Variants in ZNF676 observed in about 807,000 individuals in gnomAD.
ZNF676 encodes zinc finger protein 676.
Under a neutral mutation model 6.0 loss-of-function variants are expected in ZNF676, and 4 were observed. That is an observed-to-expected ratio of 0.67 (90% confidence interval 0.33 to 1.53). The LOEUF is 1.53. ZNF676 is among the 40% of genes most tolerant of loss of function. The probability of loss-of-function intolerance (pLI) is 0.06; values close to 1 mark genes in which losing one functional copy is unlikely to be tolerated. For missense variants in ZNF676, 644 were observed against 679.7 expected, an observed-to-expected ratio of 0.95 and a Z score of 0.58; for synonymous variants, 198 against 223.1, an observed-to-expected ratio of 0.89 and a Z score of 1.00.
chr19:22,216,781 A>G (rs373813364), upstream of ZNF676, among the ~76,000 whole-genome samples: 3 of 151,116 alleles, frequency 2.0e-5, no homozygotes, highest in South Asian at 2.1e-4. Context: ...CCACCACCAC[A>G]CCCAGCTAAT....
chr19:22,195,142 T>C (rs1431296419), intron 1 of ZNF676, among the ~76,000 whole-genome samples: 1 of 152,160 alleles, frequency 6.6e-6, no homozygotes, highest in Non-Finnish European at 1.5e-5. Context: ...AATTACACCC[T>C]TTTCCACAAA....
At chr19:22,253,711 T>C in the ZNF676 span, among the ~76,000 whole-genome samples, 22 of 151,960 alleles carry the variant, frequency 1.4e-4, no homozygotes, top group African/African-American at 5.1e-4. Context: ...CATATGACGG[T>C]CACAATCCAA....
chr19:22,228,034 T>C, the ZNF676 span, among the ~76,000 whole-genome samples: 1 of 152,148 alleles, frequency 6.6e-6, no homozygotes, highest in Non-Finnish European at 1.5e-5. Context: ...ATACCAAAGC[T>C]GGCAGAGACA....
chr19:22,192,622 C>A (rs2023921902), intron 2 of ZNF676, among the ~76,000 whole-genome samples: 1 of 151,994 alleles, frequency 6.6e-6, no homozygotes, highest in South Asian at 2.1e-4. Flanking sequence ...CCCAATGATA[C>A]AGAAACCACT....
At chr19:22,189,252 G>A (rs2023874501) in intron 2 of ZNF676, among the ~76,000 whole-genome samples, 1 of 151,994 alleles carries the variant, frequency 6.6e-6, no homozygotes, top group Non-Finnish European at 1.5e-5. Flanking sequence ...ACAAGAAATG[G>A]GGAAAGGATT....
chr19:22,225,250 T>C, the ZNF676 span, among the ~76,000 whole-genome samples: 1 of 152,206 alleles, frequency 6.6e-6, no homozygotes, highest in Non-Finnish European at 1.5e-5. Context: ...TCATGTGACA[T>C]AGTATTTTCA....
At chr19:22,219,574 G>A (rs1387948153), upstream of ZNF676, among the ~76,000 whole-genome samples, 1 of 152,004 alleles carries the variant, frequency 6.6e-6, no homozygotes, top group Non-Finnish European at 1.5e-5. Context: ...GTGAGAGTGG[G>A]CATTATTGTC....
At chr19:22,199,910 C>T (rs868382141), upstream of ZNF676, among the ~76,000 whole-genome samples, 18 of 152,174 alleles carry the variant, frequency 1.2e-4, no homozygotes, top group Middle Eastern at 0.014. Context: ...GCTTTTAAGT[C>T]TCAGAAAATG....
the ZNF676 span, among the ~76,000 whole-genome samples, chr19:22,241,036 G>C: frequency 2.6e-5 from 4 of 151,952 alleles, no homozygotes; most frequent in Non-Finnish European, 1.5e-5. Context: ...ACATAACCTG[G>C]GTGCAGGGCC....
the ZNF676 span, among the ~76,000 whole-genome samples, chr19:22,228,090 A>G: frequency 3.1e-4 from 47 of 152,350 alleles, no homozygotes; most frequent in Admixed American, 6.5e-4. Flanking sequence ...ATGAACATTG[A>G]TGTGAAAATC....
At chr19:22,206,066 CACACACACA>C (rs1162688155) in intron 1 of ZNF676, among the ~76,000 whole-genome samples, 19 of 49,906 alleles carry the variant, frequency 3.8e-4, no homozygotes, top group African/African-American at 2.6e-3. Flanking sequence ...AACACACACA[CACACACACA>C]CACACACACA....
chr19:22,192,334 T>C (rs2023918251), intron 2 of ZNF676, among the ~76,000 whole-genome samples: 1 of 152,058 alleles, frequency 6.6e-6, no homozygotes, highest in Non-Finnish European at 1.5e-5. Flanking sequence ...AAATATATTT[T>C]ATGTCTATAG....
chr19:22,190,922 T>C (rs1260107109), intron 2 of ZNF676, among the ~76,000 whole-genome samples: 1 of 151,900 alleles, frequency 6.6e-6, no homozygotes, highest in African/African-American at 2.4e-5. Flanking sequence ...GATAGATAGA[T>C]ATAAAGCAAT....
At chr19:22,254,448 A>G in the ZNF676 span, among the ~76,000 whole-genome samples, 23 of 152,194 alleles carry the variant, frequency 1.5e-4, no homozygotes, top group African/African-American at 4.6e-4. Context: ...GGAGCCTCCC[A>G]CCCTGAAGGA....
the ZNF676 span, among the ~76,000 whole-genome samples, chr19:22,229,586 A>T: frequency 6.6e-6 from 1 of 152,252 alleles, no homozygotes; most frequent in East Asian, 1.9e-4. Flanking sequence ...TGGGAGAAAA[A>T]TTTTGCAATC....
At chr19:22,211,949 C>T (rs2024132646) in intron 1 of ZNF676, among the ~76,000 whole-genome samples, 1 of 152,060 alleles carries the variant, frequency 6.6e-6, no homozygotes, top group African/African-American at 2.4e-5. Flanking sequence ...CCTGTAATCT[C>T]AGCACTTTGG....
chr19:22,212,652 C>A (rs1280919296), intron 1 of ZNF676, among the ~76,000 whole-genome samples: 1 of 151,740 alleles, frequency 6.6e-6, no homozygotes, highest in Non-Finnish European at 1.5e-5. Flanking sequence ...TTGCAGTGAG[C>A]CGAGATTGCA....
chr19:22,222,534 C>T, the ZNF676 span, among the ~76,000 whole-genome samples: 7 of 152,182 alleles, frequency 4.6e-5, no homozygotes, highest in Admixed American at 4.6e-4. Context: ...CTGCCATGTA[C>T]TTCCAGGTTT....
intron 1 of ZNF676, among the ~76,000 whole-genome samples, chr19:22,207,070 C>T (rs544863369): frequency 3.0e-4 from 46 of 152,242 alleles, no homozygotes; most frequent in African/African-American, 1.1e-3. Context: ...CTATATTCAA[C>T]ATAAAATTGG....
Sources: gnomAD v4.1 joint callset for allele counts (sites outside exome capture counted in the v4.1 genomes callset) on GRCh38, gnomAD v4.1.1 for gene constraint, MANE v1.5 for transcripts, NCBI Gene and HGNC (gene_info 2026-07-23, HGNC 2026-07-21) for gene names.